Variants in GLRA3 observed in about 807,000 individuals in gnomAD.
The protein encoded by GLRA3 is glycine receptor alpha 3.
Under a neutral mutation model 60.4 loss-of-function variants are expected in GLRA3, and 44 were observed. The observed-to-expected ratio is 0.73, with a 90% CI of 0.57 to 0.94. GLRA3 has a LOEUF of 0.94. Ranked by LOEUF, GLRA3 falls within the 40% of genes least tolerant of loss-of-function variation. GLRA3 has a pLI of 0.00. For synonymous variants in GLRA3, 223 were observed against 192.9 expected (o/e 1.16, Z -1.29); for missense variants, 508 against 564.6 (o/e 0.90, Z 1.02).
In GLRA3 at chr4:174,636,951, G is replaced by T. The variant is rs1732508553; in HGVS notation, c.*6835C>A. 2 of 152,036 alleles carry T rather than the reference G, an allele frequency of 1.3e-5. No individual in the cohort carries two copies. Among genetic ancestry groups the T allele is most frequent in the African/African-American group, 4.8e-5 (2 of 41,424 alleles). 9.4% of individuals were successfully genotyped at this position (152,036 alleles called of 1,614,324 possible). A position where few individuals can be genotyped will look rare whatever the true frequency, so the allele number is the denominator to read the frequency against. Reference sequence around the variant, plus strand: ...AAAAGTGTTCATTTTTATTGTTTCGGATCAAATTATCTATAGTTACATGTT... The same window carrying T: ...AAAAGTGTTCATTTTTATTGTTTCGTATCAAATTATCTATAGTTACATGTT... On this transcript the variant is annotated 3_prime_UTR_variant, in exon 10 of 10. Transcript: ENST00000274093.
In GLRA3 at chr4:174,677,273, T is replaced by G; in HGVS notation, c.732A>C (p.Glu244Asp). 1.2e-6 allele frequency: 2 copies of G among 1,607,058 alleles called. No homozygotes were observed. Among genetic ancestry groups the G allele is most frequent in the Non-Finnish European group, 1.7e-6 (2 of 1,174,156 alleles). The change falls in exon 7 of 10, where the codon GAA (glutamate) becomes GAC (aspartate). Residue 244 changes from glutamate (E) to aspartate (D), a missense_variant. By Grantham distance (45) the Glu-to-Asp change is conservative. Coordinates refer to ENST00000274093, the MANE Select transcript of GLRA3 (RefSeq NM_006529.4). ...HYNTGKFTCI[E>D]VRFHLERQMG... is the part of the protein sequence containing the mutation. The stretch of plus-strand genomic sequence containing the variant: ...TTTGTCGCTCCAGATGGAATCGCAC[T>G]TCTATACACGTAAACTTTCCTAATT...
intron 6 of GLRA3, among the ~76,000 whole-genome samples, chr4:174,679,359 C>T (rs1734251628): frequency 6.6e-6 from 1 of 151,906 alleles, no homozygotes; most frequent in Non-Finnish European, 1.5e-5. Context: ...AAGATATTAT[C>T]TCACCCCAAT....
chr4:174,790,979 G>C (rs1739323187), intron 1 of GLRA3, among the ~76,000 whole-genome samples: 1 of 147,700 alleles, frequency 6.8e-6, no homozygotes, highest in Admixed American at 6.8e-5. Flanking sequence ...ACTGCAGCCT[G>C]GACCACACAG....
intron 5 of GLRA3, among the ~76,000 whole-genome samples, chr4:174,708,537 C>T (rs1431352343): frequency 1.3e-5 from 2 of 150,016 alleles, no homozygotes; most frequent in Non-Finnish European, 3.0e-5. Context: ...GCAGACAATA[C>T]TTCTTCACTG....
At chr4:174,796,570 C>T (rs942423078) in intron 1 of GLRA3, among the ~76,000 whole-genome samples, 2 of 151,698 alleles carry the variant, frequency 1.3e-5, no homozygotes, top group Admixed American at 6.6e-5. Flanking sequence ...CGGAGTCTCG[C>T]TCTGTCACCA....
At chr4:174,793,431 T>C (rs1377867071) in intron 1 of GLRA3, among the ~76,000 whole-genome samples, 2 of 142,934 alleles carry the variant, frequency 1.4e-5, no homozygotes, top group South Asian at 4.5e-4. Context: ...TTCATTTATT[T>C]ATTTATTTAT....
intron 5 of GLRA3, among the ~76,000 whole-genome samples, chr4:174,686,920 T>C (rs1418182872): frequency 6.6e-6 from 1 of 152,222 alleles, no homozygotes; most frequent in Non-Finnish European, 1.5e-5. Flanking sequence ...CAGTTTAAAA[T>C]TTTGATCATT....
At position 174,828,891 on chromosome 4, in the gene GLRA3, A is replaced by C. The variant is rs1360920763; in HGVS notation, c.-80T>G. The C allele has an allele frequency of 4.1e-6, 4 of 973,840 alleles. No individual in the cohort carries two copies. The African/African-American group carries it at 6.4e-5, about 15-fold the overall frequency. The allele number at this position is 973,840 out of a possible 1,614,324, so 60.3% of individuals were successfully genotyped here. ...CCAGAAAGACAGAATGAAAATGTAC[A>C]ATCTAACCCCGCATGGTGTTGGTGT... On this transcript the variant is annotated 5_prime_UTR_variant, in exon 1 of 10. The change creates a new upstream start codon in the 5' untranslated region. Coordinates refer to ENST00000274093, the MANE Select transcript of GLRA3 (RefSeq NM_006529.4).
chr4:174,676,943 G>T (rs889227489), intron 7 of GLRA3, 135 bp downstream of exon 7: 28 of 597,670 alleles, frequency 4.7e-5, no homozygotes, highest in Middle Eastern at 6.7e-4. Context: ...TTCTGCTTTG[G>T]TTATATATTA....
At position 174,828,747 on chromosome 4, in the gene GLRA3, A is replaced by C; in HGVS notation, c.65T>G (p.Leu22Ter). 1 of 1,604,826 alleles carries C rather than the reference A, an allele frequency of 6.2e-7. No homozygotes were observed. Among genetic ancestry groups the C allele is most frequent in the Non-Finnish European group, 8.5e-7 (1 of 1,171,528 alleles). Reference protein sequence around the residue: ...SGFYFWEAALLLSLVATKETD... With the variant: ...SGFYFWEAAL ...TAAATCCAAGCGAACTCACCTGAGT[A>C]ACAGTGCTGCTTCCCAGAAGTAAAA... is the stretch of plus-strand genomic sequence containing the variant. The change falls in exon 1 of 10, where the codon TTA becomes TGA. Residue 22 changes from leucine (L) to a stop codon, truncating the protein, a stop_gained. Transcript: ENST00000274093. LOFTEE classifies it high-confidence loss of function.
intron 9 of GLRA3, among the ~76,000 whole-genome samples, chr4:174,648,306 CA>C (rs201218734): frequency 0.034 from 5,197 of 151,894 alleles, 130 homozygotes; most frequent in Non-Finnish European, 0.054. Flanking sequence ...ACTAAAAATA[CA>C]AAAAAAATTA....
At chr4:174,824,763 A>C (rs1347099103) in intron 1 of GLRA3, among the ~76,000 whole-genome samples, 1 of 152,134 alleles carries the variant, frequency 6.6e-6, no homozygotes, top group Non-Finnish European at 1.5e-5. Flanking sequence ...GCGCTTCCTT[A>C]TATTCCCTAA....
chr4:174,705,715 A>T (rs13118343), intron 5 of GLRA3, among the ~76,000 whole-genome samples: 66,183 of 128,720 alleles, frequency 0.51, 20,568 homozygotes, highest in East Asian at 0.9. Context: ...AATATGACCA[A>T]ATTATTGACT....
intron 1 of GLRA3, among the ~76,000 whole-genome samples, chr4:174,807,757 C>T (rs73008365): frequency 4.6e-5 from 7 of 152,112 alleles, no homozygotes; most frequent in African/African-American, 1.7e-4. Context: ...TCTGGGTGAG[C>T]ATTATTTTCA....
rs1455352526 is a variant in GLRA3 at position 174,638,373 on chromosome 4, A to T, written c.*5413T>A. 7 of 152,082 alleles carry T rather than the reference A, an allele frequency of 4.6e-5. No individual in the cohort carries two copies. The highest frequency in any genetic ancestry group is 3.4e-3 in the Middle Eastern group (1 of 294). 9.4% of individuals were successfully genotyped at this position (152,082 alleles called of 1,614,324 possible). A position where few individuals can be genotyped will look rare whatever the true frequency, so the allele number is the denominator to read the frequency against. ...AGTGGTGCGATCTTGGCTCACTGCA[A>T]CCTCCATCTCCTGGGCTCAAGCCAT... On this transcript the variant is annotated 3_prime_UTR_variant, in exon 10 of 10. Transcript: ENST00000274093.
chr4:174,828,484 A>G (rs1741068903), intron 1 of GLRA3, among the ~76,000 whole-genome samples: 1 of 152,250 alleles, frequency 6.6e-6, no homozygotes, highest in South Asian at 2.1e-4. Context: ...GTAGGCTTTT[A>G]AAATAATTTT....
chr4:174,732,127 T>C (rs182974535), intron 3 of GLRA3, among the ~76,000 whole-genome samples: 4 of 152,146 alleles, frequency 2.6e-5, no homozygotes, highest in Admixed American at 2.6e-4. Flanking sequence ...GAGGCCGAGG[T>C]GGGCGGATCA....
intron 4 of GLRA3, 48 bp downstream of exon 4, chr4:174,728,427 C>T (rs764091015): frequency 9.8e-7 from 1 of 1,023,376 alleles, no homozygotes; most frequent in South Asian, 1.4e-5. Flanking sequence ...AACAATACAC[C>T]ATGATATTCT....
At chr4:174,804,545 G>C (rs577913164) in intron 1 of GLRA3, among the ~76,000 whole-genome samples, 1 of 152,184 alleles carries the variant, frequency 6.6e-6, no homozygotes, top group East Asian at 1.9e-4. Context: ...GAATTTGGTG[G>C]TGGTTTGGTA....
Sources: gnomAD v4.1 joint callset for allele counts (sites outside exome capture counted in the v4.1 genomes callset) on GRCh38, gnomAD v4.1.1 for gene constraint, MANE v1.5 for transcripts, NCBI Gene and HGNC (gene_info 2026-07-23, HGNC 2026-07-21) for gene names.